The following CDC123 variants were observed in gnomAD, a reference collection of about 807,000 sequenced individuals.
The protein encoded by CDC123 is cell division cycle 123.
Under a neutral mutation model 54.4 loss-of-function variants are expected in CDC123, and 37 were observed. The observed-to-expected ratio is 0.68, with a 90% CI of 0.52 to 0.89. The LOEUF is 0.89. CDC123 is among the 40% of genes least tolerant of loss of function. The pLI is 0.00. For missense variants in CDC123, 361 were observed against 412.1 expected (o/e 0.88, Z 1.07); for synonymous variants, 144 against 136.8 (o/e 1.05, Z -0.37).
chr10:12,243,799 G>T (rs182792077), intron 10 of CDC123, among the ~76,000 whole-genome samples: 1 of 148,752 alleles, frequency 6.7e-6, no homozygotes, highest in Non-Finnish European at 1.5e-5. Context: ...AAAAAAAAAA[G>T]AAAGTCAAGT....
intron 10 of CDC123, among the ~76,000 whole-genome samples, chr10:12,240,003 G>A (rs7911095): frequency 4.3e-5 from 6 of 139,260 alleles, no homozygotes; most frequent in Non-Finnish European, 6.1e-5. Flanking sequence ...GCGAGACTCC[G>A]TCTCAAAAAA....
chr10:12,198,233 G>T (rs113230946), intron 1 of CDC123, among the ~76,000 whole-genome samples: 2 of 152,298 alleles, frequency 1.3e-5, no homozygotes, highest in African/African-American at 4.8e-5. Flanking sequence ...AAAGTATCAT[G>T]AATTCTTAGC....
intron 7 of CDC123, among the ~76,000 whole-genome samples, chr10:12,234,673 A>G (rs907119526): frequency 1.3e-5 from 2 of 152,098 alleles, no homozygotes; most frequent in Non-Finnish European, 2.9e-5. Flanking sequence ...GCATTTTGTC[A>G]TAGAATTTTA....
At chr10:12,244,471 G>A (rs751468533) in intron 10 of CDC123, among the ~76,000 whole-genome samples, 13 of 152,252 alleles carry the variant, frequency 8.5e-5, no homozygotes, top group Admixed American at 4.6e-4. Flanking sequence ...CGCTCTGTGC[G>A]TGTCAGCACT....
intron 7 of CDC123, among the ~76,000 whole-genome samples, chr10:12,233,798 T>TG (rs962357267): frequency 2.0e-5 from 3 of 151,856 alleles, no homozygotes; most frequent in African/African-American, 7.3e-5. Context: ...TTTAAATGTG[T>TG]TTTTTTAATA....
chr10:12,200,120 A>AC (rs1554805191), intron 2 of CDC123, among the ~76,000 whole-genome samples: 1 of 59,356 alleles, frequency 1.7e-5, no homozygotes, highest in Non-Finnish European at 3.0e-5. Context: ...CGCACTCGGC[A>AC]TTTTTTTTTT....
chr10:12,203,285 T>C (rs1835467721), intron 2 of CDC123, among the ~76,000 whole-genome samples: 1 of 152,250 alleles, frequency 6.6e-6, no homozygotes, highest in Non-Finnish European at 1.5e-5. Flanking sequence ...TTCCAGACTC[T>C]ATAAGGTATA....
chr10:12,207,140 C>T (rs1053496524), intron 2 of CDC123, among the ~76,000 whole-genome samples: 1 of 152,010 alleles, frequency 6.6e-6, no homozygotes, highest in Admixed American at 6.6e-5. Flanking sequence ...TCTTGCTTCT[C>T]TTTCTGGATC....
intron 6 of CDC123, among the ~76,000 whole-genome samples, chr10:12,224,949 G>T (rs1456719063): frequency 6.6e-6 from 1 of 152,148 alleles, no homozygotes; most frequent in East Asian, 1.9e-4. Flanking sequence ...GCTCCAGTTT[G>T]ATGCTTCCTT....
chr10:12,203,182 A>C (rs1002988868), intron 2 of CDC123, among the ~76,000 whole-genome samples: 2 of 152,232 alleles, frequency 1.3e-5, no homozygotes, highest in East Asian at 3.8e-4. Flanking sequence ...TGTACTTCAC[A>C]AGAAAGTGGG....
chr10:12,237,879 AAGAC>A, intron 9 of CDC123, among the ~76,000 whole-genome samples: 2 of 152,376 alleles, frequency 1.3e-5, no homozygotes, highest in South Asian at 4.1e-4. Flanking sequence ...TGAATGATCA[AAGAC>A]AGCACCAGTT....
At chr10:12,237,777 A>G (rs1451781343) in intron 9 of CDC123, among the ~76,000 whole-genome samples, 1 of 152,166 alleles carries the variant, frequency 6.6e-6, no homozygotes, top group Non-Finnish European at 1.5e-5. Flanking sequence ...TTTACTGCTA[A>G]GTCAGTTCCC....
chr10:12,228,230 A>C (rs978155632), intron 6 of CDC123, among the ~76,000 whole-genome samples: 1 of 152,090 alleles, frequency 6.6e-6, no homozygotes, highest in Non-Finnish European at 1.5e-5. Flanking sequence ...CCCTGTGCCC[A>C]GTCCTTAATT....
intron 6 of CDC123, among the ~76,000 whole-genome samples, chr10:12,218,864 A>G (rs939737014): frequency 1.3e-5 from 2 of 152,228 alleles, no homozygotes; most frequent in Non-Finnish European, 2.9e-5. Context: ...GCTGAGCCGC[A>G]GGTGCTCTCT....
Position 12,212,044 on chromosome 10 carries a change from C to T in CDC123, c.237+1722C>T, listed in dbSNP as rs375499344. ...TGGAGGTTGCAGTGAACCAAGATTG[C>T]GCCACTGCACTCCAGCCTGGGTGAC... On this transcript the variant is annotated intron_variant, in intron 4 of 12. Coordinates refer to ENST00000281141, the MANE Select transcript of CDC123 (RefSeq NM_006023.3). Among the ~76,000 whole-genome samples the T allele has an allele frequency of 3.1e-4, 47 of 152,136 alleles. No homozygotes were observed. In the South Asian group the frequency reaches 8.3e-3, roughly 27 times the overall value.
At chr10:12,224,366 A>G (rs1256526125) in intron 6 of CDC123, among the ~76,000 whole-genome samples, 4 of 151,606 alleles carry the variant, frequency 2.6e-5, no homozygotes, top group Admixed American at 1.3e-4. Flanking sequence ...ACTGGCAAAT[A>G]TTAAAGTGTA....
intron 2 of CDC123, among the ~76,000 whole-genome samples, chr10:12,207,531 A>T (rs977957424): frequency 2.6e-5 from 4 of 152,046 alleles, no homozygotes; most frequent in African/African-American, 9.7e-5. Context: ...TTCATATTTA[A>T]GAGTGAGGAG....
rs61848337 is a variant in CDC123 at position 12,245,296 on chromosome 10, G to C, written c.718-853G>C. The C allele has an allele frequency of 6.1e-3, 932 of 152,212 alleles. 3 individuals are homozygous for C. The highest frequency in any genetic ancestry group is 9.2e-3 in the Non-Finnish European group (627 of 68,076). The allele number at this position is 152,212 out of a possible 1,614,324, so 9.4% of individuals were successfully genotyped here. On this transcript the variant is annotated intron_variant, in intron 10 of 12. Transcript: ENST00000281141. ...AGACCCGGTCTTGCTTTGTCACCCA[G>C]GATAGATGGAGTGTGGTGTTTTGAT...
intron 2 of CDC123, among the ~76,000 whole-genome samples, chr10:12,209,361 T>C (rs1835565375): frequency 6.6e-6 from 1 of 152,130 alleles, no homozygotes; most frequent in Non-Finnish European, 1.5e-5. Flanking sequence ...GTCAGCTTCC[T>C]GAATAGCTGT....
Sources: allele counts gnomAD v4.1 joint callset (sites outside exome capture counted in the v4.1 genomes callset), GRCh38; gene constraint gnomAD v4.1.1; transcripts MANE v1.5; gene names NCBI Gene and HGNC (gene_info 2026-07-23, HGNC 2026-07-21).